Variants in SNAI1 observed in about 807,000 individuals in gnomAD.
The protein encoded by SNAI1 is zinc finger protein SNAI1.
A neutral mutation model predicts 24.7 loss-of-function variants in SNAI1; 15 were observed. The ratio of observed to expected loss-of-function variants is 0.61; its 90% CI spans 0.41 to 0.93. The LOEUF (loss-of-function observed/expected upper bound fraction) is 0.93, where lower values mean the gene tolerates loss of function less well. SNAI1 is among the 40% of genes least tolerant of loss of function. The probability of loss-of-function intolerance (pLI) is 0.00; values close to 1 mark genes in which losing one functional copy is unlikely to be tolerated. For missense variants in SNAI1, 283 were observed against 336.7 expected (o/e 0.84, Z 1.25); for synonymous variants, 163 against 142.9 (o/e 1.14, Z -1.00).
intron 2 of SNAI1, among the ~76,000 whole-genome samples, chr20:49,986,490 A>G (rs1416867093): frequency 6.6e-6 from 1 of 152,096 alleles, no homozygotes; most frequent in Non-Finnish European, 1.5e-5. Flanking sequence ...CTTAAATTCC[A>G]TCCAGCGCTG....
chr20:49,987,051 G>A (rs757779467), intron 2 of SNAI1, among the ~76,000 whole-genome samples: 25 of 152,362 alleles, frequency 1.6e-4, no homozygotes, highest in Non-Finnish European at 3.7e-4. Context: ...GGCAGATGGT[G>A]TGTCAGGGCC....
Position 49,988,265 on chromosome 20 carries a change from G to A in SNAI1, c.*209G>A. The stretch of plus-strand genomic sequence containing the variant: ...GGGCTCTGGAAGAGGCCTTCCCATG[G>A]CCATTTCTGTGGAGGGAGGGCAGCT... On this transcript the variant is annotated 3_prime_UTR_variant, in exon 3 of 3. Transcript: ENST00000244050. 3.8e-6 allele frequency: 2 copies of A among 530,160 alleles called. No individual in the cohort carries two copies. Among genetic ancestry groups the A allele is most frequent in the Non-Finnish European group, 6.6e-6 (2 of 303,654 alleles). The allele number at this position is 530,160 out of a possible 1,614,324, so 32.8% of individuals were successfully genotyped here. A position where few individuals can be genotyped will look rare whatever the true frequency, so the allele number is the denominator to read the frequency against.
intron 2 of SNAI1, 67 bp downstream of exon 2, chr20:49,984,418 G>A (rs1600887380): frequency 6.9e-7 from 1 of 1,442,738 alleles, no homozygotes. Flanking sequence ...TGGGCTTGCT[G>A]TTCTCATTCC....
intron 2 of SNAI1, among the ~76,000 whole-genome samples, chr20:49,986,354 G>A (rs576966037): frequency 9.2e-5 from 14 of 152,006 alleles, no homozygotes; most frequent in Non-Finnish European, 1.5e-4. Flanking sequence ...GCTCTCAGGC[G>A]CTCCATAAGT....
At chr20:49,987,287 C>T (rs556211585) in intron 2 of SNAI1, among the ~76,000 whole-genome samples, 3 of 152,270 alleles carry the variant, frequency 2.0e-5, no homozygotes, top group South Asian at 2.1e-4. Flanking sequence ...GGGGAAGCCT[C>T]TTAAGGCTGA....
Position 49,983,830 on chromosome 20 carries a change from C to T in SNAI1, c.89C>T (p.Thr30Ile). Residue 30 changes from threonine (T) to isoleucine (I), a missense_variant, in exon 2 of 3, where the codon ACC becomes ATC. Thr to Ile is a moderately conservative substitution (Grantham distance 89). Coordinates refer to ENST00000244050, the MANE Select transcript of SNAI1 (RefSeq NM_005985.4). ...SELQDSNPEF[T>I]FQQPYDQAHL... ...TCTGCTTTTTCTCCCTCAGAGTTTA[C>T]CTTCCAGCAGCCCTACGACCAGGCC... 6.3e-7 allele frequency: 1 copy of T among 1,587,474 alleles called. No homozygotes were observed. The highest frequency in any genetic ancestry group is 8.6e-7 in the Non-Finnish European group (1 of 1,166,650).
chr20:49,984,611 G>C (rs2078328216), intron 2 of SNAI1, among the ~76,000 whole-genome samples: 1 of 152,230 alleles, frequency 6.6e-6, no homozygotes, highest in Non-Finnish European at 1.5e-5. Context: ...ATATGGGAAA[G>C]GTGCAACCAA....
chr20:49,983,229 G>A, intron 1 of SNAI1, 88 bp downstream of exon 1: 1 of 1,007,808 alleles, frequency 9.9e-7, no homozygotes, highest in Non-Finnish European at 1.5e-6. Flanking sequence ...CGGCCTGCCT[G>A]AGCCAGGATC....
chr20:49,984,682 G>A lies in SNAI1; in HGVS notation c.610+331G>A, dbSNP rs570422499. 8.5e-5 allele frequency among the ~76,000 whole-genome samples: 13 copies of A among 152,308 alleles called. No homozygotes were observed. In the South Asian group the frequency reaches 1.0e-3, roughly 12 times the overall value. ...CCCGGCCACACCCTCTCCCGGGTCC[G>A]CCCCCTCCCTAGCCAGACAGGATGT... On this transcript the variant is annotated intron_variant, in intron 2 of 2. Transcript: ENST00000244050.
Position 49,982,991 on chromosome 20 carries a change from G to A in SNAI1, c.-69G>A. ...GCGCTGCTGCATTCATTGCGCCGCGGCACGGCCTAGCGAGTGGTTCTTCTG... is the reference window on the plus strand; with the variant it reads ...GCGCTGCTGCATTCATTGCGCCGCGACACGGCCTAGCGAGTGGTTCTTCTG... On this transcript the variant is annotated 5_prime_UTR_variant, in exon 1 of 3. Transcript: ENST00000244050. The A allele has an allele frequency of 8.3e-6, 8 of 959,090 alleles. No homozygotes were observed. The highest frequency in any genetic ancestry group is 4.0e-5 in the Admixed American group (2 of 49,462). 59.4% of individuals were successfully genotyped at this position (959,090 alleles called of 1,614,324 possible).
chr20:49,987,740 G>A (rs1230635070), intron 2 of SNAI1, 132 bp from the exon 3 acceptor site: 6 of 800,492 alleles, frequency 7.5e-6, no homozygotes, highest in South Asian at 6.4e-5. Context: ...CCCTGGCTGT[G>A]TGTTTGACGG....
At chr20:49,986,635 TA>T (rs11482374) in intron 2 of SNAI1, among the ~76,000 whole-genome samples, 10 of 150,416 alleles carry the variant, frequency 6.6e-5, no homozygotes, top group South Asian at 2.1e-4. Context: ...CTCAGTAGAT[TA>T]AAAAAAAAAT....
chr20:49,987,154 G>A (rs894259465), intron 2 of SNAI1, among the ~76,000 whole-genome samples: 6 of 152,110 alleles, frequency 3.9e-5, no homozygotes, highest in African/African-American at 1.4e-4. Flanking sequence ...GCCCTTATGG[G>A]ACTCAGCCTG....
In SNAI1 at chr20:49,983,130, A is replaced by T. The variant is rs760434965; in HGVS notation, c.71A>T (p.Asp24Val). The change falls in exon 1 of 3, where the codon GAC becomes GTC. Residue 24 changes from aspartate to valine, a missense_variant. By Grantham distance (152) the Asp-to-Val change is radical. Coordinates refer to ENST00000244050, the MANE Select transcript of SNAI1 (RefSeq NM_005985.4). The stretch of plus-strand genomic sequence containing the variant: ...AAGCCTAACTACAGCGAGCTGCAGG[A>T]CTCTAATCCAGGTGCGTTGGAGGGG... ...NRKPNYSELQ[D>V]SNPEFTFQQP... 1.9e-5 allele frequency: 30 copies of T among 1,612,950 alleles called. No homozygotes were observed. The highest frequency in any genetic ancestry group is 2.5e-5 in the Non-Finnish European group (29 of 1,179,552).
chr20:49,986,095 G>T (rs1260973086), intron 2 of SNAI1, among the ~76,000 whole-genome samples: 1 of 152,186 alleles, frequency 6.6e-6, no homozygotes, highest in African/African-American at 2.4e-5. Context: ...CCTAACTCTG[G>T]TCTTACAAAT....
In SNAI1 at chr20:49,988,102, G is replaced by C. The variant is rs747521619; in HGVS notation, c.*46G>C. On this transcript the variant is annotated 3_prime_UTR_variant, in exon 3 of 3. Transcript: ENST00000244050. ...TCTCCATACCTGCCCCTGCCTGACAGCCTTCCCCAGCTCCAGCAGGAAGGA... is the reference window on the plus strand; with the variant it reads ...TCTCCATACCTGCCCCTGCCTGACACCCTTCCCCAGCTCCAGCAGGAAGGA... 37 of 1,503,156 alleles carry C rather than the reference G, an allele frequency of 2.5e-5. No individual in the cohort carries two copies. Among genetic ancestry groups the C allele is most frequent in the Non-Finnish European group, 1.5e-5 (17 of 1,108,838 alleles). The allele number at this position is 1,503,156 out of a possible 1,614,324, so 93.1% of individuals were successfully genotyped here. A position where few individuals can be genotyped will look rare whatever the true frequency, so the allele number is the denominator to read the frequency against.
intron 2 of SNAI1, among the ~76,000 whole-genome samples, chr20:49,986,341 C>G (rs917429245): frequency 3.9e-5 from 6 of 152,068 alleles, no homozygotes; most frequent in African/African-American, 1.4e-4. Context: ...GAGACTGAGT[C>G]CAGCTCTCAG....
At position 49,988,063 on chromosome 20, in the gene SNAI1, A is replaced by T. The variant is rs1568931738; in HGVS notation, c.*7A>T. The T allele has an allele frequency of 6.3e-7, 1 of 1,582,244 alleles. No homozygotes were observed. The highest frequency in any genetic ancestry group is 1.3e-5 in the African/African-American group (1 of 74,454). On this transcript the variant is annotated 3_prime_UTR_variant, in exon 3 of 3. Transcript: ENST00000244050. ...CTCAGGATGTCCCCGCTGACCCTCGAGGCTCCCTCTTCCTCTCCATACCTG... is the reference window on the plus strand; with the variant it reads ...CTCAGGATGTCCCCGCTGACCCTCGTGGCTCCCTCTTCCTCTCCATACCTG...
chr20:49,985,886 G>A (rs2146880035), intron 2 of SNAI1, among the ~76,000 whole-genome samples: 1 of 152,350 alleles, frequency 6.6e-6, no homozygotes, highest in South Asian at 2.1e-4. Flanking sequence ...AAGGCGTCTG[G>A]GGGGCGAGGG....
Sources: allele counts gnomAD v4.1 joint callset (sites outside exome capture counted in the v4.1 genomes callset), GRCh38; gene constraint gnomAD v4.1.1; transcripts MANE v1.5; gene names NCBI Gene and HGNC (gene_info 2026-07-23, HGNC 2026-07-21).